The following RALYL variants were observed in gnomAD, a reference collection of about 807,000 sequenced individuals.
RALYL encodes the protein RNA-binding Raly-like protein.
In RALYL, 29 loss-of-function variants were observed where a neutral mutation model predicts 35.1. The ratio of observed to expected loss-of-function variants is 0.83; its 90% confidence interval spans 0.61 to 1.13. The LOEUF is 1.13. Ranked by LOEUF, RALYL falls within the 50% of genes most tolerant of loss-of-function variation. RALYL has a pLI of 0.00. For synonymous variants in RALYL, 120 were observed against 127.6 expected, an observed-to-expected ratio of 0.94 and a Z score of 0.40; for missense variants, 359 against 360.4, an observed-to-expected ratio of 1.00 and a Z score of 0.03.
At chr8:84,370,042 C>A (rs1207149716) in intron 1 of RALYL, among the ~76,000 whole-genome samples, 1 of 152,056 alleles carries the variant, frequency 6.6e-6, no homozygotes. Context: ...TTATTAACAA[C>A]AATGGGACAC....
At chr8:84,450,509 C>G (rs1253259549) in intron 1 of RALYL, among the ~76,000 whole-genome samples, 3 of 151,720 alleles carry the variant, frequency 2.0e-5, no homozygotes, top group African/African-American at 7.3e-5. Context: ...TCAGTTATGC[C>G]TGCTACTAGA....
intron 8 of RALYL, among the ~76,000 whole-genome samples, chr8:84,913,523 G>T (rs1200249878): frequency 6.6e-6 from 1 of 151,910 alleles, no homozygotes; most frequent in Non-Finnish European, 1.5e-5. Context: ...CTCATATAAT[G>T]AATAAAGGAA....
At chr8:84,389,750 C>A (rs1012295859) in intron 1 of RALYL, among the ~76,000 whole-genome samples, 4 of 149,476 alleles carry the variant, frequency 2.7e-5, no homozygotes, top group Non-Finnish European at 4.4e-5. Context: ...TGGGCTGAGA[C>A]AATGGGGTTT....
At chr8:84,249,984 A>C (rs1829865817) in intron 1 of RALYL, among the ~76,000 whole-genome samples, 1 of 152,056 alleles carries the variant, frequency 6.6e-6, no homozygotes, top group African/African-American at 2.4e-5. Flanking sequence ...AAATGTTCCA[A>C]AATTTATAAA....
At chr8:84,781,237 GT>G (rs1818076872) in intron 3 of RALYL, among the ~76,000 whole-genome samples, 1 of 152,050 alleles carries the variant, frequency 6.6e-6, no homozygotes, top group African/African-American at 2.4e-5. Context: ...ACAGGTTAAT[GT>G]TTTCTATAAC....
At chr8:84,668,038 T>C (rs1832429466) in intron 2 of RALYL, among the ~76,000 whole-genome samples, 1 of 152,128 alleles carries the variant, frequency 6.6e-6, no homozygotes, top group Non-Finnish European at 1.5e-5. Context: ...CTCTAAGGCA[T>C]ATGTTTGCAG....
intron 1 of RALYL, among the ~76,000 whole-genome samples, chr8:84,358,156 T>A (rs142295448): frequency 1.3e-5 from 2 of 152,046 alleles, no homozygotes; most frequent in African/African-American, 4.8e-5. Context: ...GAATTAAATA[T>A]GATTAGGCAT....
At chr8:84,292,242 T>C (rs920803981) in intron 1 of RALYL, among the ~76,000 whole-genome samples, 18 of 152,240 alleles carry the variant, frequency 1.2e-4, no homozygotes, top group African/African-American at 4.1e-4. Flanking sequence ...TAGATATCCA[T>C]TTATATTCTT....
chr8:84,893,836 C>G (rs1019561332), intron 8 of RALYL, among the ~76,000 whole-genome samples: 7 of 152,198 alleles, frequency 4.6e-5, no homozygotes, highest in Non-Finnish European at 8.8e-5. Context: ...CTTATAATTA[C>G]TTTTCCTTTT....
At chr8:84,538,626 C>T (rs1226713203) in intron 2 of RALYL, among the ~76,000 whole-genome samples, 1 of 151,984 alleles carries the variant, frequency 6.6e-6, no homozygotes, top group African/African-American at 2.4e-5. Context: ...TAGATTACAG[C>T]TCTTGGAAAA....
intron 2 of RALYL, among the ~76,000 whole-genome samples, chr8:84,564,516 C>G (rs573335069): frequency 7.1e-4 from 108 of 151,796 alleles, no homozygotes; most frequent in African/African-American, 2.3e-3. Context: ...TTTAAATTGT[C>G]AACATTTTAT....
intron 2 of RALYL, among the ~76,000 whole-genome samples, chr8:84,576,592 A>G (rs1809492512): frequency 6.6e-6 from 1 of 152,176 alleles, no homozygotes; most frequent in South Asian, 2.1e-4. Context: ...TTAAATTTGA[A>G]TGCCACACTT....
At chr8:84,865,323 C>A (rs1212060900) in intron 6 of RALYL, among the ~76,000 whole-genome samples, 1 of 152,104 alleles carries the variant, frequency 6.6e-6, no homozygotes, top group Non-Finnish European at 1.5e-5. Flanking sequence ...TAATTAATAG[C>A]TCTTTCCAGC....
chr8:84,253,581 A>C (rs1380860704), intron 1 of RALYL, among the ~76,000 whole-genome samples: 1 of 152,068 alleles, frequency 6.6e-6, no homozygotes, highest in Non-Finnish European at 1.5e-5. Flanking sequence ...TGATTGAGAA[A>C]GGTTCTAATT....
At chr8:84,578,891 C>T (rs1273290741) in intron 2 of RALYL, among the ~76,000 whole-genome samples, 2 of 152,180 alleles carry the variant, frequency 1.3e-5, no homozygotes, top group Non-Finnish European at 2.9e-5. Flanking sequence ...CGGCCATGGG[C>T]AGGCCCAGAA....
At position 84,345,531 on chromosome 8, in the gene RALYL, G is replaced by A. The variant is rs529414588; in HGVS notation, c.-24+161107G>A. Among the ~76,000 whole-genome samples, 20 of 152,086 alleles carry A rather than the reference G, an allele frequency of 1.3e-4. No homozygotes were observed. The Middle Eastern group carries it at 0.017, about 130-fold the overall frequency. On this transcript the variant is annotated intron_variant, in intron 1 of 8. Coordinates refer to ENST00000521268, the MANE Select transcript of RALYL (RefSeq NM_173848.7). ...ATACATGAGTCTTTTTATGTATTCT[G>A]TAAGTAGTTAATGGATTTAATTCAA... is the stretch of plus-strand genomic sequence containing the variant.
chr8:84,714,936 C>A (rs10093758), intron 2 of RALYL, among the ~76,000 whole-genome samples: 1 of 151,514 alleles, frequency 6.6e-6, no homozygotes, highest in Non-Finnish European at 1.5e-5. Flanking sequence ...TGCATTGTTG[C>A]TCTTTAGGAT....
At chr8:84,264,480 G>C (rs1467252848) in intron 1 of RALYL, among the ~76,000 whole-genome samples, 3 of 77,560 alleles carry the variant, frequency 3.9e-5, no homozygotes, top group Non-Finnish European at 7.5e-5. Flanking sequence ...AAATTTGTTT[G>C]AGTTCCTTGT....
intron 1 of RALYL, among the ~76,000 whole-genome samples, chr8:84,449,653 A>G (rs1223273139): frequency 3.3e-5 from 5 of 151,974 alleles, no homozygotes; most frequent in African/African-American, 9.7e-5. Context: ...GAGCCAATGC[A>G]TTTTCATAGA....
Sources: allele counts gnomAD v4.1 joint callset (sites outside exome capture counted in the v4.1 genomes callset), GRCh38; gene constraint gnomAD v4.1.1; transcripts MANE v1.5; gene names NCBI Gene and HGNC (gene_info 2026-07-23, HGNC 2026-07-21).